Variants in SGCD observed in about 807,000 individuals in gnomAD.
SGCD encodes sarcoglycan delta, also known as delta-sarcoglycan.
In SGCD, 18 loss-of-function variants were observed where a neutral mutation model predicts 36.6. The observed-to-expected ratio is 0.49, with a 90% CI of 0.34 to 0.73. The LOEUF (loss-of-function observed/expected upper bound fraction) is 0.73. Among genes scored for constraint, SGCD ranks in the 30% least tolerant of loss-of-function variants. The probability of loss-of-function intolerance (pLI) is 0.01; values close to 1 mark genes in which losing one functional copy is unlikely to be tolerated. For missense variants in SGCD, 387 were observed against 346.7 expected, an observed-to-expected ratio of 1.12 and a Z score of -0.92; for synonymous variants, 133 against 130.6, an observed-to-expected ratio of 1.02 and a Z score of -0.12.
In SGCD at chr5:156,539,552, C is replaced by T. The variant is rs151023656; in HGVS notation, c.294+30850C>T. Among the ~76,000 whole-genome samples the T allele has an allele frequency of 2.4e-4, 37 of 152,170 alleles. No homozygotes were observed. In the East Asian group the frequency reaches 5.8e-3, roughly 24 times the overall value. ...AAATTACTTCACTTAGAATAATGGC[C>T]TCCAGCTTCATCCAAGTTGTAGCAA... On this transcript the variant is annotated intron_variant, in intron 4 of 8. Coordinates refer to ENST00000337851, the MANE Select transcript of SGCD (RefSeq NM_000337.6).
At chr5:156,344,726 C>A (rs1207894322) in intron 3 of SGCD, 49 bp downstream of exon 3, 3 of 1,389,324 alleles carry the variant, frequency 2.2e-6, no homozygotes, top group Non-Finnish European at 1.0e-6. Context: ...GGAGGGGAAG[C>A]GTGGGGCAAG....
chr5:156,709,538 G>C (rs1754891740), intron 7 of SGCD, among the ~76,000 whole-genome samples: 1 of 152,184 alleles, frequency 6.6e-6, no homozygotes, highest in Non-Finnish European at 1.5e-5. Context: ...AAAAACTGAA[G>C]AGAATAAGGG....
chr5:156,347,869 T>C (rs1769029043), intron 3 of SGCD, among the ~76,000 whole-genome samples: 1 of 152,206 alleles, frequency 6.6e-6, no homozygotes, highest in African/African-American at 2.4e-5. Context: ...TGAAATCGGC[T>C]CTTTCCTGCA....
the SGCD span, among the ~76,000 whole-genome samples, chr5:155,841,731 G>A: frequency 2.0e-5 from 3 of 152,144 alleles, no homozygotes; most frequent in Admixed American, 2.0e-4. Flanking sequence ...TATAGGTTTT[G>A]TAGGGAAACT....
chr5:156,357,844 A>G (rs750875191), intron 3 of SGCD, among the ~76,000 whole-genome samples: 21 of 152,150 alleles, frequency 1.4e-4, no homozygotes, highest in Admixed American at 3.9e-4. Flanking sequence ...AGTACTTCCT[A>G]GGTCTCATGC....
At chr5:156,478,843 A>C (rs1311205725) in intron 3 of SGCD, among the ~76,000 whole-genome samples, 1 of 152,052 alleles carries the variant, frequency 6.6e-6, no homozygotes, top group East Asian at 2.0e-4. Context: ...GGCCTCCCAA[A>C]GTGCTGGGAT....
chr5:156,654,895 G>A (rs281043), intron 7 of SGCD, among the ~76,000 whole-genome samples: 139,419 of 152,246 alleles, frequency 0.92, 63,983 homozygotes, highest in East Asian at 0.99. Context: ...TTGTAGTCCT[G>A]TAATATCATG....
chr5:156,000,791 T>C (rs989022590), intron 1 of SGCD, among the ~76,000 whole-genome samples: 2 of 147,330 alleles, frequency 1.4e-5, no homozygotes, highest in African/African-American at 5.4e-5. Context: ...TATTTTTTTT[T>C]CCTCACACAT....
intron 6 of SGCD, among the ~76,000 whole-genome samples, chr5:156,626,753 A>G (rs1025408690): frequency 6.6e-6 from 1 of 151,542 alleles, no homozygotes; most frequent in Non-Finnish European, 1.5e-5. Context: ...CTCTACATTC[A>G]CCCCATTACT....
Position 156,060,486 on chromosome 5 carries a change from T to G in SGCD, c.-281-57392T>G, listed in dbSNP as rs1349232312. ...AGGATTAATTGGATGGCACCTAAGT[T>G]CCTTCAAATATTCAGTTCATTTCTT... On this transcript the variant is annotated intron_variant, in intron 1 of 9. Coordinates refer to the SGCD transcript ENST00000517913. Among the ~76,000 whole-genome samples the G allele has an allele frequency of 4.8e-5, 7 of 146,598 alleles. 1 individual carries two copies. The highest frequency in any genetic ancestry group is 6.8e-5 in the Admixed American group (1 of 14,648).
At chr5:156,429,265 C>CT (rs3074973) in intron 3 of SGCD, among the ~76,000 whole-genome samples, 3,177 of 123,772 alleles carry the variant, frequency 0.026, 100 homozygotes, top group African/African-American at 0.07. Flanking sequence ...CCCTCATTGT[C>CT]TTTTTTTTTT....
chr5:156,399,473 G>A (rs995058576), intron 3 of SGCD, among the ~76,000 whole-genome samples: 2 of 152,182 alleles, frequency 1.3e-5, no homozygotes, highest in African/African-American at 4.8e-5. Context: ...CTGTCTGTGA[G>A]GATATCCAGT....
chr5:156,150,435 C>T (rs951103050), intron 3 of SGCD, among the ~76,000 whole-genome samples: 1 of 151,666 alleles, frequency 6.6e-6, no homozygotes, highest in Non-Finnish European at 1.5e-5. Flanking sequence ...TGCGATCAGA[C>T]CTTGAATTCC....
intron 3 of SGCD, among the ~76,000 whole-genome samples, chr5:156,449,555 G>A (rs1170225882): frequency 2.0e-5 from 3 of 151,802 alleles, no homozygotes; most frequent in African/African-American, 7.3e-5. Flanking sequence ...AAGAAGGCCA[G>A]GCTTGGTAGC....
chr5:156,203,955 T>C (rs925690911), intron 3 of SGCD, among the ~76,000 whole-genome samples: 1 of 152,156 alleles, frequency 6.6e-6, no homozygotes, highest in East Asian at 1.9e-4. Context: ...GAATATTTAT[T>C]GCATATGTAT....
the SGCD span, among the ~76,000 whole-genome samples, chr5:155,788,259 ATTG>A: frequency 6.6e-6 from 1 of 152,108 alleles, no homozygotes. Context: ...TAAGTATTCT[ATTG>A]TTGTTTTACT....
intron 5 of SGCD, among the ~76,000 whole-genome samples, chr5:156,589,607 C>T (rs527416334): frequency 2.0e-5 from 3 of 152,182 alleles, no homozygotes; most frequent in East Asian, 1.9e-4. Flanking sequence ...GCTGCTTCAT[C>T]AGGTGCTCAG....
chr5:156,683,939 A>T (rs1219650312), intron 7 of SGCD, among the ~76,000 whole-genome samples: 1 of 152,238 alleles, frequency 6.6e-6, no homozygotes, highest in East Asian at 1.9e-4. Flanking sequence ...CTCCACAAAA[A>T]GTTGAGACCA....
At chr5:156,462,399 C>A (rs1754524662) in intron 3 of SGCD, among the ~76,000 whole-genome samples, 1 of 152,044 alleles carries the variant, frequency 6.6e-6, no homozygotes, top group Non-Finnish European at 1.5e-5. Context: ...AACCTTAGAA[C>A]TGAAGGAAAC....
Sources: allele counts gnomAD v4.1 joint callset (sites outside exome capture counted in the v4.1 genomes callset), GRCh38; gene constraint gnomAD v4.1.1; transcripts MANE v1.5; gene names NCBI Gene and HGNC (gene_info 2026-07-23, HGNC 2026-07-21).